Variants in DNAH8 observed in about 807,000 individuals in gnomAD.
DNAH8 encodes the protein dynein axonemal heavy chain 8.
In DNAH8, 382 loss-of-function variants were observed where a neutral mutation model predicts 562.1. The ratio of observed to expected loss-of-function variants is 0.68; its 90% CI spans 0.63 to 0.74. The LOEUF (loss-of-function observed/expected upper bound fraction) is 0.74. DNAH8 is among the 30% of genes least tolerant of loss of function. The probability of loss-of-function intolerance (pLI) is 0.00; values close to 1 mark genes in which losing one functional copy is unlikely to be tolerated. For synonymous variants in DNAH8, 1,881 were observed against 1,919.4 expected (o/e 0.98, Z 0.52); for missense variants, 5,203 against 5,620.4 (o/e 0.93, Z 2.37).
chr6:38,973,774 T>C lies in DNAH8; in HGVS notation c.12639T>C (p.Thr4213=), dbSNP rs1339897501. The change falls in exon 84 of 93, where the codon ACT becomes ACC. Residue 4213 remains threonine (T), a synonymous_variant. Coordinates refer to ENST00000327475, the MANE Select transcript of DNAH8 (RefSeq NM_001206927.2). ...ASDDSFRVWI[T]TEPHDRFPIT... ...ATGATTCTTTCCGAGTATGGATAACTACGGAGCCCCATGATCGATTTCCAA... is the reference window on the plus strand; with the variant it reads ...ATGATTCTTTCCGAGTATGGATAACCACGGAGCCCCATGATCGATTTCCAA... The C allele has an allele frequency of 6.2e-7, 1 of 1,609,958 alleles. No homozygotes were observed. Among genetic ancestry groups the C allele is most frequent in the Non-Finnish European group, 8.5e-7 (1 of 1,178,622 alleles).
chr6:38,881,214 C>A (rs547779312), intron 53 of DNAH8, among the ~76,000 whole-genome samples: 1 of 152,264 alleles, frequency 6.6e-6, no homozygotes, highest in South Asian at 2.1e-4. Context: ...TAAACATACT[C>A]ATTTTTGCTT....
Position 38,828,289 on chromosome 6 carries a change from G to C in DNAH8, c.4188+1G>C. ...TTTCAACAAATTGCAGAGCAAAGCT[G>C]TAAGTATGAATTTAACTACATTATT... On this transcript the variant is annotated splice_donor_variant, in intron 30 of 92. Coordinates refer to ENST00000327475, the MANE Select transcript of DNAH8 (RefSeq NM_001206927.2). LOFTEE classifies it high-confidence loss of function. 6.5e-7 allele frequency: 1 copy of C among 1,526,956 alleles called. No homozygotes were observed. The highest frequency in any genetic ancestry group is 8.9e-7 in the Non-Finnish European group (1 of 1,127,284). 94.6% of individuals were successfully genotyped at this position (1,526,956 alleles called of 1,614,324 possible). A position where few individuals can be genotyped will look rare whatever the true frequency, so the allele number is the denominator to read the frequency against.
In DNAH8 at chr6:38,814,096, A is replaced by G; in HGVS notation, c.3300A>G (p.Ile1100Met). The change falls in exon 25 of 93, where the codon ATA becomes ATG. Residue 1100 changes from isoleucine to methionine, a missense_variant. Ile to Met is a conservative substitution (Grantham distance 10, BLOSUM62 1). Transcript: ENST00000327475. ...AGTCAGAAGATATTATTTCCTTTAT[A>G]AAAAGTGAAGTACATCTTGCAATTC... ...RKQSEDIISF[I>M]KSEVHLAIPN... is the part of the protein sequence containing the mutation. The G allele has an allele frequency of 6.3e-7, 1 of 1,585,820 alleles. No homozygotes were observed. The highest frequency in any genetic ancestry group is 1.1e-5 in the South Asian group (1 of 89,638).
intron 12 of DNAH8, among the ~76,000 whole-genome samples, chr6:38,773,988 C>T (rs1767823864): frequency 6.6e-6 from 1 of 152,132 alleles, no homozygotes; most frequent in South Asian, 2.1e-4. Flanking sequence ...TGTTGGGGCC[C>T]TTCGAGGAGT....
intron 11 of DNAH8, among the ~76,000 whole-genome samples, chr6:38,766,292 G>A (rs1766992297): frequency 6.6e-6 from 1 of 152,156 alleles, no homozygotes; most frequent in Admixed American, 6.5e-5. Context: ...GACAAATACT[G>A]CCTTTTTTCA....
chr6:39,027,842 A>G (rs903904863), intron 92 of DNAH8, among the ~76,000 whole-genome samples: 4 of 152,128 alleles, frequency 2.6e-5, no homozygotes, highest in African/African-American at 9.7e-5. Context: ...ATAAATAAAT[A>G]AAATTTTAAA....
chr6:38,868,122 A>C lies in DNAH8; in HGVS notation c.6754A>C (p.Lys2252Gln), dbSNP rs1320995212. The C allele has an allele frequency of 4.3e-6, 7 of 1,613,758 alleles. No homozygotes were observed. In the African/African-American group the frequency reaches 6.7e-5, roughly 15 times the overall value. Residue 2252 changes from lysine to glutamine, a missense_variant, in exon 48 of 93, where the codon AAA becomes CAA. Physicochemically the swap from Lys to Gln is moderately conservative, Grantham distance 53. Around this residue, in one of 6 missense-constraint regions of DNAH8, gnomAD observed 2,176 missense variants for 2,365.1 expected, o/e 0.92. Coordinates refer to ENST00000327475, the MANE Select transcript of DNAH8 (RefSeq NM_001206927.2). Reference sequence around the variant, plus strand: ...TGTATTGAGGACTCTTGGATCTCAAAAAAGAGCCAGACCAGAAGATAGTGA... The same window carrying C: ...TGTATTGAGGACTCTTGGATCTCAACAAAGAGCCAGACCAGAAGATAGTGA... ...LSVLRTLGSQ[K>Q]RARPEDSELS...
chr6:38,910,226 T>C (rs544073082), intron 65 of DNAH8, among the ~76,000 whole-genome samples: 1 of 152,324 alleles, frequency 6.6e-6, no homozygotes, highest in East Asian at 1.9e-4. Flanking sequence ...AAATATCAAT[T>C]GACTATGGGA....
intron 88 of DNAH8, among the ~76,000 whole-genome samples, chr6:39,001,036 A>G (rs1306118541): frequency 6.6e-6 from 1 of 152,158 alleles, no homozygotes; most frequent in African/African-American, 2.4e-5. Context: ...GAATGCAAAC[A>G]TGAATGTGTG....
At chr6:39,027,783 G>A (rs556819319) in intron 92 of DNAH8, among the ~76,000 whole-genome samples, 29 of 151,946 alleles carry the variant, frequency 1.9e-4, no homozygotes, top group African/African-American at 6.5e-4. Flanking sequence ...CTGAGATCCC[G>A]CCACTGCACT....
At chr6:38,933,843 G>C (rs943152976) in intron 76 of DNAH8, among the ~76,000 whole-genome samples, 3 of 152,156 alleles carry the variant, frequency 2.0e-5, no homozygotes, top group Admixed American at 2.0e-4. Flanking sequence ...TCATATTTCT[G>C]GGTCCTTGGC....
At chr6:38,749,759 A>C (rs1052692467) in intron 8 of DNAH8, among the ~76,000 whole-genome samples, 1 of 152,220 alleles carries the variant, frequency 6.6e-6, no homozygotes, top group African/African-American at 2.4e-5. Flanking sequence ...TTTGATGACC[A>C]CTTACAAGAA....
chr6:38,867,768 A>C lies in DNAH8; in HGVS notation c.6694-294A>C, dbSNP rs986121166. On this transcript the variant is annotated intron_variant, in intron 47 of 92. Coordinates refer to ENST00000327475, the MANE Select transcript of DNAH8 (RefSeq NM_001206927.2). ...ACTCCATCTCAAAAAAAAAAAAAAA[A>C]AAAACAAAAAAGAAACTATTGTTTG... Among the ~76,000 whole-genome samples the C allele has an allele frequency of 4.6e-5, 7 of 151,824 alleles. No individual in the cohort carries two copies. The East Asian group carries it at 5.8e-4, about 13-fold the overall frequency.
intron 63 of DNAH8, among the ~76,000 whole-genome samples, chr6:38,907,279 T>C (rs540524368): frequency 1.4e-3 from 211 of 152,312 alleles, no homozygotes; most frequent in African/African-American, 4.9e-3. Flanking sequence ...CAGTAACATA[T>C]GCACTGTTTC....
At chr6:38,826,940 C>T (rs1738207) in intron 29 of DNAH8, among the ~76,000 whole-genome samples, 6 of 152,074 alleles carry the variant, frequency 3.9e-5, no homozygotes, top group African/African-American at 1.4e-4. Context: ...CAACACAGAT[C>T]GTTTATTTTA....
intron 12 of DNAH8, among the ~76,000 whole-genome samples, chr6:38,774,397 A>T (rs1360974526): frequency 6.6e-6 from 1 of 152,114 alleles, no homozygotes; most frequent in Non-Finnish European, 1.5e-5. Context: ...ATTGGTGGTG[A>T]GTACTGAGAG....
At chr6:38,969,561 T>C (rs1473066984) in intron 82 of DNAH8, among the ~76,000 whole-genome samples, 5 of 151,342 alleles carry the variant, frequency 3.3e-5, no homozygotes, top group African/African-American at 9.7e-5. Flanking sequence ...GCTGACAGGG[T>C]GAGAAAAACC....
chr6:38,980,101 TC>T (rs1763927888), intron 85 of DNAH8, among the ~76,000 whole-genome samples: 1 of 152,034 alleles, frequency 6.6e-6, no homozygotes, highest in South Asian at 2.1e-4. Flanking sequence ...TGAGTCCACT[TC>T]AGAAATTCCA....
At chr6:38,726,920 C>T (rs1045028641) in intron 3 of DNAH8, among the ~76,000 whole-genome samples, 11 of 142,026 alleles carry the variant, frequency 7.7e-5, no homozygotes, top group Non-Finnish European at 1.2e-4. Context: ...TGCAGTGGCA[C>T]GATCTCAGCT....
Sources: allele counts gnomAD v4.1 joint callset (sites outside exome capture counted in the v4.1 genomes callset), GRCh38; gene constraint gnomAD v4.1.1; regional missense constraint gnomAD v4.1.1; transcripts MANE v1.5; gene names NCBI Gene and HGNC (gene_info 2026-07-23, HGNC 2026-07-21).